Variants in NPFFR2 observed in about 807,000 individuals in gnomAD.
The protein encoded by NPFFR2 is G-protein coupled receptor 74.
Under a neutral mutation model 13.1 loss-of-function variants are expected in NPFFR2, and 15 were observed. The ratio of observed to expected loss-of-function variants is 1.15; its 90% CI spans 0.77 to 1.76. The LOEUF (loss-of-function observed/expected upper bound fraction) is 1.76, where lower values mean the gene tolerates loss of function less well. Among genes scored for constraint, NPFFR2 ranks in the 40% most tolerant of loss-of-function variants. The pLI is 0.00. For synonymous variants in NPFFR2, 190 were observed against 175.7 expected (o/e 1.08, Z -0.65); for missense variants, 572 against 503.5 (o/e 1.14, Z -1.30).
rs1438334057 is a variant in NPFFR2, at chr4:72,087,784, C to T, written c.-7-40801C>T. On this transcript the variant is annotated intron_variant, in intron 1 of 3. Coordinates refer to ENST00000308744, the MANE Select transcript of NPFFR2 (RefSeq NM_004885.3). ...GGACTGGAGAGTGTGAGAACGGTTC[C>T]CACAGGCTGAGATTAAGGAAATTAA... 1.3e-5 allele frequency among the ~76,000 whole-genome samples: 2 copies of T among 151,852 alleles called. 1 individual carries two copies. The highest frequency in any genetic ancestry group is 1.3e-4 in the Admixed American group (2 of 15,196).
At chr4:72,075,957 T>TCACACA (rs34381564) in intron 1 of NPFFR2, among the ~76,000 whole-genome samples, 1 of 104,344 alleles carries the variant, frequency 9.6e-6, no homozygotes, top group African/African-American at 3.7e-5. Context: ...TCTCTCTCTG[T>TCACACA]CACACACACA....
At position 72,074,532 on chromosome 4, in the gene NPFFR2, G is replaced by GA. The variant is rs569685875; in HGVS notation, c.-8+42337dup. ...CTTTATCTTAGGTGGTTATGTGTAG[G>GA]AAAAACCATAATGTATATAGGGTTT... On this transcript the variant is annotated intron_variant, in intron 1 of 3. Coordinates refer to ENST00000308744, the MANE Select transcript of NPFFR2 (RefSeq NM_004885.3). Among the ~76,000 whole-genome samples, 16 of 152,038 alleles carry GA rather than the reference G, an allele frequency of 1.1e-4. No individual in the cohort carries two copies. The East Asian group carries it at 3.1e-3, about 29-fold the overall frequency.
At chr4:72,126,730 T>C (rs1431791758) in intron 1 of NPFFR2, among the ~76,000 whole-genome samples, 2 of 152,158 alleles carry the variant, frequency 1.3e-5, no homozygotes, top group Admixed American at 1.3e-4. Context: ...GGGTGTTGAG[T>C]CTCTAGTGAG....
chr4:72,039,520 A>G (rs1158523915), intron 1 of NPFFR2: 1 of 382,178 alleles, frequency 2.6e-6, no homozygotes, highest in Non-Finnish European at 3.6e-6. Flanking sequence ...TTTAAAAAAT[A>G]TATGCATCTT....
At chr4:72,134,258 TG>T (rs1471912299) in intron 2 of NPFFR2, among the ~76,000 whole-genome samples, 1 of 152,146 alleles carries the variant, frequency 6.6e-6, no homozygotes, top group Non-Finnish European at 1.5e-5. Flanking sequence ...AGAGAGAGAC[TG>T]TCTCCAAAAA....
At chr4:72,043,219 A>C (rs907200735) in intron 1 of NPFFR2, among the ~76,000 whole-genome samples, 1 of 152,132 alleles carries the variant, frequency 6.6e-6, no homozygotes, top group African/African-American at 2.4e-5. Flanking sequence ...GAATGTATGG[A>C]AGTGCCTGGA....
chr4:72,099,103 C>G (rs1029072812), intron 1 of NPFFR2, among the ~76,000 whole-genome samples: 3 of 152,180 alleles, frequency 2.0e-5, no homozygotes, highest in Admixed American at 6.5e-5. Flanking sequence ...TTTCTTATCA[C>G]TATACTCCAA....
At chr4:72,087,044 G>A (rs1453658375) in intron 1 of NPFFR2, among the ~76,000 whole-genome samples, 1 of 152,008 alleles carries the variant, frequency 6.6e-6, no homozygotes, top group African/African-American at 2.4e-5. Context: ...TTCACATTTA[G>A]CATTAGAAGA....
intron 1 of NPFFR2, among the ~76,000 whole-genome samples, chr4:72,042,731 G>C (rs950088530): frequency 1.3e-5 from 2 of 152,130 alleles, no homozygotes; most frequent in African/African-American, 4.8e-5. Flanking sequence ...AGATGATTTA[G>C]GGCATCTGGC....
At chr4:72,116,457 A>C (rs1221585976) in intron 1 of NPFFR2, among the ~76,000 whole-genome samples, 1 of 151,868 alleles carries the variant, frequency 6.6e-6, no homozygotes, top group Admixed American at 6.6e-5. Context: ...AAAACTACCT[A>C]TTGTGTACTA....
At chr4:72,053,980 C>T (rs1719665909) in intron 1 of NPFFR2, among the ~76,000 whole-genome samples, 1 of 151,784 alleles carries the variant, frequency 6.6e-6, no homozygotes, top group African/African-American at 2.4e-5. Context: ...ATAGCATGTT[C>T]ATATTTTGAG....
intron 1 of NPFFR2, among the ~76,000 whole-genome samples, chr4:72,101,740 G>T (rs1383145101): frequency 6.6e-6 from 1 of 151,992 alleles, no homozygotes; most frequent in East Asian, 1.9e-4. Flanking sequence ...AAAACCATAA[G>T]ACTCCCTCAA....
intron 1 of NPFFR2, among the ~76,000 whole-genome samples, chr4:72,121,061 C>T (rs1249014430): frequency 6.6e-6 from 1 of 151,944 alleles, no homozygotes; most frequent in Non-Finnish European, 1.5e-5. Flanking sequence ...CATAAATGAC[C>T]TGACGGAGCT....
intron 1 of NPFFR2, among the ~76,000 whole-genome samples, chr4:72,085,069 T>C (rs1022842161): frequency 6.6e-6 from 1 of 151,686 alleles, no homozygotes; most frequent in Non-Finnish European, 1.5e-5. Context: ...AAAAAAGTCA[T>C]TAAGACATTT....
intron 1 of NPFFR2, among the ~76,000 whole-genome samples, chr4:72,048,090 A>G (rs1384391395): frequency 6.7e-6 from 1 of 149,680 alleles, no homozygotes. Context: ...ACACACACAT[A>G]TATGTTTATG....
intron 1 of NPFFR2, among the ~76,000 whole-genome samples, chr4:72,099,373 C>T (rs1419087332): frequency 2.0e-5 from 3 of 151,086 alleles, no homozygotes; most frequent in Non-Finnish European, 2.9e-5. Context: ...CCATGTATTT[C>T]GTCATTCTTG....
At chr4:72,058,984 T>C (rs1415585488) in intron 1 of NPFFR2, among the ~76,000 whole-genome samples, 1 of 152,118 alleles carries the variant, frequency 6.6e-6, no homozygotes, top group Admixed American at 6.6e-5. Flanking sequence ...AGTACTTCTT[T>C]GTTGTTGAGG....
At chr4:72,083,055 ATGTGTG>A (rs141729529) in intron 1 of NPFFR2, among the ~76,000 whole-genome samples, 2 of 152,002 alleles carry the variant, frequency 1.3e-5, no homozygotes, top group Admixed American at 6.6e-5. Flanking sequence ...TCATATGTAT[ATGTGTG>A]TGTGTGTATA....
At chr4:72,107,275 A>G (rs1333496388) in intron 1 of NPFFR2, among the ~76,000 whole-genome samples, 1 of 150,744 alleles carries the variant, frequency 6.6e-6, no homozygotes, top group African/African-American at 2.4e-5. Flanking sequence ...GTGTATTATA[A>G]AAGTTAGCAT....
Sources: gnomAD v4.1 joint callset for allele counts (sites outside exome capture counted in the v4.1 genomes callset) on GRCh38, gnomAD v4.1.1 for gene constraint, MANE v1.5 for transcripts, NCBI Gene and HGNC (gene_info 2026-07-23, HGNC 2026-07-21) for gene names.